The following SCMH1 variants were observed in gnomAD, a reference collection of about 807,000 sequenced individuals.
SCMH1 encodes the protein Scm polycomb group protein homolog 1.
Under a neutral mutation model 70.8 loss-of-function variants are expected in SCMH1, and 37 were observed. The ratio of observed to expected loss-of-function variants is 0.52; its 90% CI spans 0.40 to 0.69. The LOEUF is 0.69. SCMH1 is among the 30% of genes least tolerant of loss of function. SCMH1 has a pLI of 0.00. For synonymous variants in SCMH1, 292 were observed against 307.4 expected, an observed-to-expected ratio of 0.95 and a Z score of 0.52; for missense variants, 607 against 827.3, an observed-to-expected ratio of 0.73 and a Z score of 3.27.
intron 6 of SCMH1, 60 bp downstream of exon 6, chr1:41,142,818 C>T: frequency 7.1e-7 from 1 of 1,405,690 alleles, no homozygotes; most frequent in East Asian, 2.3e-5. Flanking sequence ...ATAGGATGTT[C>T]AGTTTTTGGA....
At chr1:41,193,521 G>C (rs1312872210) in intron 1 of SCMH1, among the ~76,000 whole-genome samples, 1 of 151,706 alleles carries the variant, frequency 6.6e-6, no homozygotes, top group Non-Finnish European at 1.5e-5. Flanking sequence ...CTTTGCCAGG[G>C]GTTGGGGGGG....
At chr1:41,229,562 G>T (rs1469784717) in intron 1 of SCMH1, among the ~76,000 whole-genome samples, 1 of 152,140 alleles carries the variant, frequency 6.6e-6, no homozygotes, top group Non-Finnish European at 1.5e-5. Flanking sequence ...GACACAGGGA[G>T]GGGAACAGCA....
chr1:41,173,243 A>G (rs1646901766), intron 2 of SCMH1, among the ~76,000 whole-genome samples: 1 of 152,100 alleles, frequency 6.6e-6, no homozygotes, highest in African/African-American at 2.4e-5. Flanking sequence ...ACAACAGCAA[A>G]AAACAAAAAA....
At chr1:41,195,131 CAAAAAAA>C (rs35569635) in intron 1 of SCMH1, among the ~76,000 whole-genome samples, 6 of 26,244 alleles carry the variant, frequency 2.3e-4, no homozygotes, top group African/African-American at 4.5e-4. Context: ...AACTCTCTCT[CAAAAAAA>C]AAAAAAAAAA....
chr1:41,185,464 G>C (rs1649925914), intron 2 of SCMH1, among the ~76,000 whole-genome samples: 1 of 152,088 alleles, frequency 6.6e-6, no homozygotes. Flanking sequence ...CGGGATTACA[G>C]GTGTGAGCTC....
chr1:41,115,107 A>C (rs1375788542), intron 7 of SCMH1, among the ~76,000 whole-genome samples: 1 of 152,234 alleles, frequency 6.6e-6, no homozygotes, highest in East Asian at 1.9e-4. Flanking sequence ...TGGCATTTAA[A>C]AAATTTATTT....
In SCMH1 at chr1:41,240,923, C is replaced by A. The variant is rs1043268416; in HGVS notation, c.-118+1136G>T. Among the ~76,000 whole-genome samples the A allele has an allele frequency of 1.9e-4, 29 of 152,150 alleles. 1 individual carries two copies. The highest frequency in any genetic ancestry group is 6.7e-4 in the African/African-American group (28 of 41,510). On this transcript the variant is annotated intron_variant, in intron 1 of 14. Transcript: ENST00000337495. ...TAAGGGGATGGGGGAAACTAAAGCT[C>A]ATCCAGAGGACAGTTTAGAGAACCA...
chr1:41,237,141 T>C (rs1281909314), intron 1 of SCMH1, among the ~76,000 whole-genome samples: 1 of 151,712 alleles, frequency 6.6e-6, no homozygotes, highest in Non-Finnish European at 1.5e-5. Context: ...CTGCCAGGGG[T>C]TGTGCGGTTA....
intron 2 of SCMH1, 171 bp downstream of exon 2, chr1:41,185,950 C>T (rs1650088071): frequency 3.7e-6 from 2 of 533,714 alleles, no homozygotes; most frequent in South Asian, 8.0e-5. Context: ...AGCAAAACTT[C>T]AGACCTCCTC....
At position 41,191,636 on chromosome 1, in the gene SCMH1, C is replaced by T. The variant is rs190921358; in HGVS notation, c.-117-5386G>A. ...TTTAGTTTAATGTCTCCTCCTCCTT[C>T]CATCTCCAATCCTACCATCTCTAGC... On this transcript the variant is annotated intron_variant, in intron 1 of 14. Coordinates refer to ENST00000337495, the Ensembl canonical transcript of SCMH1. 4.6e-5 allele frequency among the ~76,000 whole-genome samples: 7 copies of T among 152,318 alleles called. No individual in the cohort carries two copies. The East Asian group carries it at 1.2e-3, about 25-fold the overall frequency.
intron 12 of SCMH1, among the ~76,000 whole-genome samples, chr1:41,045,024 C>A (rs1193491843): frequency 2.0e-5 from 3 of 152,184 alleles, no homozygotes; most frequent in African/African-American, 7.2e-5. Flanking sequence ...CCCATTCATG[C>A]ATCCATTCTT....
At chr1:41,180,130 T>C (rs1648300777) in intron 2 of SCMH1, among the ~76,000 whole-genome samples, 1 of 152,154 alleles carries the variant, frequency 6.6e-6, no homozygotes, top group African/African-American at 2.4e-5. Flanking sequence ...ATTATCTCAA[T>C]AGATGCAGAA....
At chr1:41,034,983 C>A (rs1645091131) in intron 13 of SCMH1, among the ~76,000 whole-genome samples, 1 of 152,202 alleles carries the variant, frequency 6.6e-6, no homozygotes, top group Non-Finnish European at 1.5e-5. Context: ...CTCTCACCTC[C>A]ATTCTACTCC....
At chr1:41,091,603 T>C (rs556167618) in intron 8 of SCMH1, among the ~76,000 whole-genome samples, 1 of 152,318 alleles carries the variant, frequency 6.6e-6, no homozygotes, top group East Asian at 1.9e-4. Flanking sequence ...TTGTCCCTGT[T>C]TGCAGATGAC....
intron 2 of SCMH1, among the ~76,000 whole-genome samples, chr1:41,168,331 CTTTT>C (rs1467343871): frequency 6.6e-6 from 1 of 152,058 alleles, no homozygotes; most frequent in Non-Finnish European, 1.5e-5. Flanking sequence ...CCTTTTCATT[CTTTT>C]TTCTTTTTGC....
At chr1:41,098,772 C>T (rs1430012476) in intron 8 of SCMH1, 1 of 149,498 alleles carries the variant, frequency 6.7e-6, no homozygotes, top group Non-Finnish European at 1.5e-5. Flanking sequence ...CCCCCCGACC[C>T]CCACCCCCCG....
At chr1:41,218,363 T>G (rs1273196775) in intron 1 of SCMH1, among the ~76,000 whole-genome samples, 1 of 152,084 alleles carries the variant, frequency 6.6e-6, no homozygotes, top group South Asian at 2.1e-4. Context: ...TAGGCCATGA[T>G]CCAATGTGAT....
At chr1:41,070,652 T>C (rs2148875373) in exon 10 of SCMH1, 1 of 1,614,098 alleles carries the variant, frequency 6.2e-7, no homozygotes, top group East Asian at 2.2e-5. Flanking sequence ...GGTACAGTGC[T>C]GGTATCCGGT....
At chr1:41,115,001 T>C (rs1380538841) in intron 7 of SCMH1, among the ~76,000 whole-genome samples, 1 of 152,152 alleles carries the variant, frequency 6.6e-6, no homozygotes, top group Non-Finnish European at 1.5e-5. Flanking sequence ...AATGCAGATT[T>C]CTTCAACATA....
Sources: gnomAD v4.1 joint callset for allele counts (sites outside exome capture counted in the v4.1 genomes callset) on GRCh38, gnomAD v4.1.1 for gene constraint, MANE v1.5 for transcripts, NCBI Gene and HGNC (gene_info 2026-07-23, HGNC 2026-07-21) for gene names.